DLC1: variants seen among roughly 807,000 people sequenced by gnomAD.
The protein encoded by DLC1 is rho GTPase-activating protein 7.
In DLC1, 54 loss-of-function variants were observed where a neutral mutation model predicts 140.3. The ratio of observed to expected loss-of-function variants is 0.38; its 90% confidence interval spans 0.31 to 0.48. The LOEUF (loss-of-function observed/expected upper bound fraction) is 0.48. Among genes scored for constraint, DLC1 ranks in the 20% least tolerant of loss-of-function variants. The probability of loss-of-function intolerance (pLI) is 0.96; values close to 1 mark genes in which losing one functional copy is unlikely to be tolerated. For synonymous variants in DLC1, 986 were observed against 728.1 expected, an observed-to-expected ratio of 1.35 and a Z score of -5.70; for missense variants, 2,536 against 1,907.0, an observed-to-expected ratio of 1.33 and a Z score of -6.14.
chr8:13,254,309 A>G (rs937485349), intron 5 of DLC1, among the ~76,000 whole-genome samples: 1 of 152,182 alleles, frequency 6.6e-6, no homozygotes, highest in Non-Finnish European at 1.5e-5. Context: ...CACAGGCCAG[A>G]ACACGCCTCC....
chr8:13,352,945 T>TA lies in DLC1; in HGVS notation c.1314+40607dup, dbSNP rs1045513480. On this transcript the variant is annotated intron_variant, in intron 4 of 17. Coordinates refer to ENST00000276297, the MANE Select transcript of DLC1 (RefSeq NM_182643.3). Reference sequence around the variant, plus strand: ...CTGAAATTACAATGTGGAAATACACTAAAAAAAATCCATCTTAGTAAAACA... The same window carrying TA: ...CTGAAATTACAATGTGGAAATACACTAAAAAAAAATCCATCTTAGTAAAACA... Among the ~76,000 whole-genome samples, 9 of 152,070 alleles carry TA rather than the reference T, an allele frequency of 5.9e-5. No homozygotes were observed. In the East Asian group the frequency reaches 9.7e-4, roughly 16 times the overall value.
intron 5 of DLC1, among the ~76,000 whole-genome samples, chr8:13,241,903 G>T (rs1563191680): frequency 6.6e-6 from 1 of 151,980 alleles, no homozygotes; most frequent in Non-Finnish European, 1.5e-5. Flanking sequence ...CATTAAGAGG[G>T]GGCAAAACTC....
intron 1 of DLC1, among the ~76,000 whole-genome samples, chr8:13,525,086 A>G (rs1336512937): frequency 6.6e-6 from 1 of 152,172 alleles, no homozygotes; most frequent in Non-Finnish European, 1.5e-5. Flanking sequence ...TATGTATATG[A>G]AGTCATATGT....
intron 5 of DLC1, among the ~76,000 whole-genome samples, chr8:13,240,194 G>C (rs1448199310): frequency 1.3e-5 from 2 of 152,054 alleles, no homozygotes; most frequent in African/African-American, 4.8e-5. Flanking sequence ...AGTTTACCAG[G>C]CTGGACTTGC....
At chr8:13,579,300 ACCACAGGTCTGACTT>A (rs1804962135) in intron 1 of DLC1, among the ~76,000 whole-genome samples, 2 of 68,932 alleles carry the variant, frequency 2.9e-5, no homozygotes, top group Admixed American at 1.7e-4. Flanking sequence ...AAAGTCAGAT[ACCACAGGTCTGACTT>A]TATATATATA....
chr8:13,366,814 G>T (rs1269310577), intron 4 of DLC1, among the ~76,000 whole-genome samples: 4 of 152,096 alleles, frequency 2.6e-5, no homozygotes, highest in African/African-American at 7.2e-5. Flanking sequence ...AGGCCACCCA[G>T]CTGTACTTTG....
chr8:13,101,024 C>G, intron 8 of DLC1: 4 of 397,418 alleles, frequency 1.0e-5, no homozygotes, highest in Non-Finnish European at 1.7e-5. Context: ...CAAAGTGCTG[C>G]GGTGACAGGG....
chr8:13,419,244 A>T (rs1239505514), intron 2 of DLC1, among the ~76,000 whole-genome samples: 1 of 151,878 alleles, frequency 6.6e-6, no homozygotes, highest in Non-Finnish European at 1.5e-5. Context: ...AGAACTTCTA[A>T]CACTATGTTG....
At chr8:13,351,608 C>A (rs1834666235) in intron 4 of DLC1, among the ~76,000 whole-genome samples, 1 of 152,164 alleles carries the variant, frequency 6.6e-6, no homozygotes, top group Non-Finnish European at 1.5e-5. Context: ...TGGAACACAT[C>A]CATGTACATT....
intron 8 of DLC1, among the ~76,000 whole-genome samples, chr8:13,101,816 G>T (rs866781124): frequency 3.3e-5 from 5 of 152,146 alleles, no homozygotes; most frequent in African/African-American, 1.2e-4. Context: ...GATTATGCCC[G>T]ATTTATGTAC....
rs535524619 is a variant in DLC1 at position 13,361,205 on chromosome 8, C to T, written c.1314+32348G>A. On this transcript the variant is annotated intron_variant, in intron 4 of 17. Coordinates refer to ENST00000276297, the MANE Select transcript of DLC1 (RefSeq NM_182643.3). ...CTTAATTATACCACTGCACTCCAGCCTGGGCGACGGAGTGAGACCTTGTCT... is the reference window on the plus strand; with the variant it reads ...CTTAATTATACCACTGCACTCCAGCTTGGGCGACGGAGTGAGACCTTGTCT... Among the ~76,000 whole-genome samples, 46 of 152,200 alleles carry T rather than the reference C, an allele frequency of 3.0e-4. 1 individual carries two copies. Among genetic ancestry groups the T allele is most frequent in the African/African-American group, 1.1e-3 (45 of 41,554 alleles).
chr8:13,132,259 C>A (rs986705665), intron 5 of DLC1, among the ~76,000 whole-genome samples: 3 of 147,380 alleles, frequency 2.0e-5, no homozygotes, highest in African/African-American at 7.8e-5. Context: ...GCAAGAAGCA[C>A]GTTTGCAAGC....
intron 5 of DLC1, among the ~76,000 whole-genome samples, chr8:13,156,096 C>T (rs1215300590): frequency 1.3e-5 from 2 of 152,166 alleles, no homozygotes; most frequent in Non-Finnish European, 2.9e-5. Flanking sequence ...ATCAACCCAT[C>T]AAACCAGCAA....
At chr8:13,469,833 A>G (rs58141278) in intron 2 of DLC1, among the ~76,000 whole-genome samples, 4,414 of 152,300 alleles carry the variant, frequency 0.029, 86 homozygotes, top group African/African-American at 0.053. Context: ...TGCCCCAAAG[A>G]TTCTGAGATT....
At position 13,354,387 on chromosome 8, in the gene DLC1, G is replaced by A. The variant is rs73663599; in HGVS notation, c.1314+39166C>T. ...AGCAGGGAATGAGACTATCCTCCTC[G>A]CCTTAGTTATTTCCAGGGCCTAACA... On this transcript the variant is annotated intron_variant, in intron 4 of 17. Coordinates refer to ENST00000276297, the MANE Select transcript of DLC1 (RefSeq NM_182643.3). 3.2e-3 allele frequency among the ~76,000 whole-genome samples: 485 copies of A among 152,112 alleles called. 5 individuals carry two copies. Among genetic ancestry groups the A allele is most frequent in the African/African-American group, 0.01 (431 of 41,484 alleles).
intron 5 of DLC1, among the ~76,000 whole-genome samples, chr8:13,301,034 C>T (rs771729376): frequency 4.6e-5 from 7 of 151,934 alleles, no homozygotes; most frequent in South Asian, 4.2e-4. Context: ...AGCCTGGGAG[C>T]GGCAGGAGAA....
intron 1 of DLC1, among the ~76,000 whole-genome samples, chr8:13,545,074 T>G (rs1171891403): frequency 6.6e-6 from 1 of 152,154 alleles, no homozygotes; most frequent in Non-Finnish European, 1.5e-5. Flanking sequence ...CATAGGCACA[T>G]AGTAGGCATT....
intron 4 of DLC1, chr8:13,340,951 C>G (rs1407967379): frequency 1.3e-5 from 2 of 152,216 alleles, no homozygotes; most frequent in Non-Finnish European, 2.9e-5. Flanking sequence ...CAGCGTCTAA[C>G]TCGGCTGGCA....
intron 1 of DLC1, among the ~76,000 whole-genome samples, chr8:13,502,022 C>T (rs1801844376): frequency 2.6e-5 from 4 of 152,180 alleles, no homozygotes; most frequent in Admixed American, 2.6e-4. Flanking sequence ...ACTCCTAAGC[C>T]ACATTTATAT....
Sources: gnomAD v4.1 joint callset for allele counts (sites outside exome capture counted in the v4.1 genomes callset) on GRCh38, gnomAD v4.1.1 for gene constraint, MANE v1.5 for transcripts, NCBI Gene and HGNC (gene_info 2026-07-23, HGNC 2026-07-21) for gene names.